The following CMTR1 variants were observed in gnomAD, a reference collection of about 807,000 sequenced individuals.
CMTR1 encodes the protein cap methyltransferase 1.
A neutral mutation model predicts 107.0 loss-of-function variants in CMTR1; 39 were observed. The observed-to-expected ratio is 0.36, with a 90% CI of 0.28 to 0.48. CMTR1 has a LOEUF of 0.48. Ranked by LOEUF, CMTR1 falls within the 20% of genes least tolerant of loss-of-function variation. The pLI is 0.99. For missense variants in CMTR1, 672 were observed against 1,064.9 expected (o/e 0.63, Z 5.14); for synonymous variants, 366 against 379.5 (o/e 0.96, Z 0.41).
chr6:37,451,774 G>GGC, intron 5 of CMTR1, 32 bp from the exon 6 acceptor site: 1 of 1,535,358 alleles, frequency 6.5e-7, no homozygotes, highest in Non-Finnish European at 9.0e-7. Flanking sequence ...AGTCACACGT[G>GGC]GTCATTACTT....
At chr6:37,479,062 C>T (rs1761802794) in intron 22 of CMTR1, 85 bp from the exon 23 acceptor site, 2 of 909,976 alleles carry the variant, frequency 2.2e-6, no homozygotes, top group Admixed American at 1.9e-5. Flanking sequence ...GGAATAGGAC[C>T]ACCGGGAGTG....
chr6:37,463,594 T>A (rs1761444451), intron 13 of CMTR1, among the ~76,000 whole-genome samples: 1 of 152,112 alleles, frequency 6.6e-6, no homozygotes, highest in African/African-American at 2.4e-5. Context: ...TGTTTGGAGA[T>A]AGGCTGGAGG....
chr6:37,463,138 CT>C, intron 13 of CMTR1, 130 bp downstream of exon 13: 1 of 937,222 alleles, frequency 1.1e-6, no homozygotes, highest in Non-Finnish European at 1.7e-6. Flanking sequence ...GTTTGGTCTG[CT>C]GGTTTCAGGG....
chr6:37,477,492 A>G, intron 20 of CMTR1, 100 bp from the exon 21 acceptor site: 1 of 1,072,870 alleles, frequency 9.3e-7, no homozygotes, highest in Non-Finnish European at 1.4e-6. Context: ...GGCCTGGGGC[A>G]GAAGCCAAGG....
chr6:37,471,098 A>G (rs1174381641), intron 14 of CMTR1, 21 bp downstream of exon 14: 5 of 1,572,744 alleles, frequency 3.2e-6, no homozygotes, highest in Non-Finnish European at 4.3e-6. Context: ...CCCACTTTTC[A>G]GAAACCACCT....
upstream of CMTR1, among the ~76,000 whole-genome samples, chr6:37,432,264 A>T (rs1235534436): frequency 2.6e-5 from 4 of 152,258 alleles, no homozygotes; most frequent in Non-Finnish European, 4.4e-5. Flanking sequence ...GAGCAATGGG[A>T]CATCATTGAT....
intron 13 of CMTR1, among the ~76,000 whole-genome samples, chr6:37,468,951 C>T (rs939142299): frequency 6.6e-6 from 1 of 151,988 alleles, no homozygotes; most frequent in Admixed American, 6.5e-5. Context: ...CGCCTGTAAT[C>T]CCAGCACTTT....
intron 2 of CMTR1, among the ~76,000 whole-genome samples, chr6:37,443,327 T>C (rs1482774019): frequency 6.6e-6 from 1 of 152,114 alleles, no homozygotes; most frequent in South Asian, 2.1e-4. Context: ...ATATCTTCAG[T>C]AAATACACTT....
At chr6:37,454,638 T>C (rs1761252381) in intron 8 of CMTR1, among the ~76,000 whole-genome samples, 1 of 152,164 alleles carries the variant, frequency 6.6e-6, no homozygotes, top group South Asian at 2.1e-4. Context: ...ACCAGGGTTG[T>C]ACCATTCAGG....
In CMTR1 at chr6:37,473,540, C is replaced by A. The variant is rs755381712; in HGVS notation, c.1760C>A (p.Pro587His). 1 of 1,614,144 alleles carries A rather than the reference C, an allele frequency of 6.2e-7. No individual in the cohort carries two copies. The highest frequency in any genetic ancestry group is 1.6e-4 in the Middle Eastern group (1 of 6,062). The change falls in exon 17 of 24, where the codon CCT becomes CAT. Residue 587 changes from proline (P) to histidine (H), a missense_variant. Pro to His is a moderately conservative substitution (Grantham distance 77). Around this residue, in one of 2 missense-constraint regions of CMTR1, gnomAD observed 583 missense variants for 968.4 expected, o/e 0.60. Coordinates refer to ENST00000373451, the MANE Select transcript of CMTR1 (RefSeq NM_015050.3). ...TCTAAAACCCTGGAGAAGATCCGCC[C>A]TGTGTTTGACTACCGCTGCATGGTA... is the stretch of plus-strand genomic sequence containing the variant. ...LTSKTLEKIR[P>H]VFDYRCMVSG...
chr6:37,459,483 C>A, intron 9 of CMTR1, 83 bp from the exon 10 acceptor site: 1 of 1,162,762 alleles, frequency 8.6e-7, no homozygotes. Context: ...TGATGCCCGT[C>A]TTCACTGACC....
chr6:37,460,229 G>GAAA (rs777338138), intron 10 of CMTR1, among the ~76,000 whole-genome samples: 4 of 152,238 alleles, frequency 2.6e-5, no homozygotes, highest in Non-Finnish European at 5.9e-5. Context: ...CTAGAGTTGA[G>GAAA]AAAAGCCTCT....
At position 37,480,050 on chromosome 6, in the gene CMTR1, G is replaced by C. The variant is rs776121006; in HGVS notation, c.2413G>C (p.Asp805His). The change falls in exon 24 of 24, where the codon GAT (aspartate) becomes CAT (histidine). Residue 805 changes from aspartate (D) to histidine (H), a missense_variant. By Grantham distance (81) the Asp-to-His change is moderately conservative. Around this residue, in one of 2 missense-constraint regions of CMTR1, gnomAD observed 583 missense variants for 968.4 expected, o/e 0.60. Coordinates refer to ENST00000373451, the MANE Select transcript of CMTR1 (RefSeq NM_015050.3). ...YYGRLFWEWG[D>H]GIRVHDSQKP... is the part of the protein sequence containing the mutation. ...TGGCCGGCTCTTCTGGGAGTGGGGG[G>C]ATGGCATTCGTGTGCATGACTCCCA... The C allele has an allele frequency of 5.7e-6, 9 of 1,582,554 alleles. No individual in the cohort carries two copies. Among genetic ancestry groups the C allele is most frequent in the Non-Finnish European group, 6.8e-6 (8 of 1,168,512 alleles).
the CMTR1 span, among the ~76,000 whole-genome samples, chr6:37,424,793 C>A: frequency 6.6e-6 from 1 of 151,854 alleles, no homozygotes; most frequent in African/African-American, 2.4e-5. Context: ...TTACTGTTAT[C>A]TTTATTTTTT....
intron 2 of CMTR1, among the ~76,000 whole-genome samples, chr6:37,438,810 T>C (rs1382062112): frequency 6.6e-6 from 1 of 152,180 alleles, no homozygotes; most frequent in Non-Finnish European, 1.5e-5. Context: ...CTCTTAGGTG[T>C]CCCCCGGACA....
At chr6:37,452,343 G>T (rs1761196778) in intron 6 of CMTR1, among the ~76,000 whole-genome samples, 2 of 152,320 alleles carry the variant, frequency 1.3e-5, no homozygotes, top group South Asian at 4.1e-4. Flanking sequence ...TAGTGGGTGT[G>T]AAGTACCTGG....
intron 2 of CMTR1, among the ~76,000 whole-genome samples, chr6:37,440,675 G>A (rs1176357155): frequency 6.6e-6 from 1 of 152,150 alleles, no homozygotes; most frequent in Admixed American, 6.5e-5. Flanking sequence ...TTGTGCCAAA[G>A]TCTGGTACTG....
chr6:37,464,739 G>A (rs997479789), intron 13 of CMTR1, among the ~76,000 whole-genome samples: 1 of 152,160 alleles, frequency 6.6e-6, no homozygotes, highest in Middle Eastern at 3.4e-3. Flanking sequence ...CCAGTTTGGG[G>A]CTGTTACGAA....
intron 6 of CMTR1, 51 bp from the exon 7 acceptor site, chr6:37,452,996 G>T: frequency 6.4e-7 from 1 of 1,553,314 alleles, no homozygotes; most frequent in Non-Finnish European, 8.9e-7. Flanking sequence ...AGGGTCTTAA[G>T]GTCCCTTTCC....
Sources: gnomAD v4.1 joint callset for allele counts (sites outside exome capture counted in the v4.1 genomes callset) on GRCh38, gnomAD v4.1.1 for gene constraint, gnomAD v4.1.1 regional missense constraint, MANE v1.5 for transcripts, NCBI Gene and HGNC (gene_info 2026-07-23, HGNC 2026-07-21) for gene names.